Variants in NLRP12 observed in about 807,000 individuals in gnomAD.
The protein encoded by NLRP12 is NACHT, LRR and PYD domains-containing protein 12.
Under a neutral mutation model 91.2 loss-of-function variants are expected in NLRP12, and 108 were observed. The ratio of observed to expected loss-of-function variants is 1.18; its 90% CI spans 1.01 to 1.39. NLRP12 has a LOEUF of 1.39. Among genes scored for constraint, NLRP12 ranks in the 40% most tolerant of loss-of-function variants. The pLI is 0.00. For synonymous variants in NLRP12, 613 were observed against 566.7 expected (o/e 1.08, Z -1.16); for missense variants, 1,530 against 1,352.7 (o/e 1.13, Z -2.06).
At position 53,824,179 on chromosome 19, in the gene NLRP12, G is replaced by T; in HGVS notation, c.-5C>A. Reference sequence around the variant, plus strand: ...CCTGCCTGCGGTTCGTAGCATGGGGGTGCCGTGAGCCCCAAAGGAGAGGAC... The same window carrying T: ...CCTGCCTGCGGTTCGTAGCATGGGGTTGCCGTGAGCCCCAAAGGAGAGGAC... On this transcript the variant is annotated 5_prime_UTR_variant, in exon 1 of 10. Coordinates refer to ENST00000324134, the MANE Select transcript of NLRP12 (RefSeq NM_144687.4). The T allele has an allele frequency of 6.2e-7, 1 of 1,613,760 alleles. No individual in the cohort carries two copies. Among genetic ancestry groups the T allele is most frequent in the Non-Finnish European group, 8.5e-7 (1 of 1,179,978 alleles).
chr19:53,808,073 T>G, intron 3 of NLRP12: 1 of 352,360 alleles, frequency 2.8e-6, no homozygotes, highest in Non-Finnish European at 5.6e-6. Flanking sequence ...TTTTCATTTT[T>G]TTTTTTAGAG....
At chr19:53,807,384 TG>T in intron 4 of NLRP12, 110 bp downstream of exon 4, 1 of 1,107,768 alleles carries the variant, frequency 9.0e-7, no homozygotes. Flanking sequence ...CACTTTTTTA[TG>T]GCAGCCGTAG....
intron 1 of NLRP12, among the ~76,000 whole-genome samples, chr19:53,822,224 C>T (rs2092272069): frequency 6.6e-6 from 1 of 152,034 alleles, no homozygotes; most frequent in South Asian, 2.1e-4. Flanking sequence ...CACATGTACC[C>T]CTTGAATCTA....
rs104895570 is a variant in NLRP12, at chr19:53,798,340, G to A, written c.2830C>T (p.Arg944Trp). 2.1e-4 allele frequency: 336 copies of A among 1,614,032 alleles called. 2 individuals are homozygous for A. Among genetic ancestry groups the A allele is most frequent in the Non-Finnish European group, 2.5e-4 (293 of 1,180,034 alleles). ...SVVLQANHNL[R>W]ELDLSFNDLG... is the part of the protein sequence containing the mutation. ...TCGTTGAAACTCAAGTCCAGCTCCCGGAGGTTGTGGTTGGCCTGGAGCACC... is the reference window on the plus strand; with the variant it reads ...TCGTTGAAACTCAAGTCCAGCTCCCAGAGGTTGTGGTTGGCCTGGAGCACC... The change falls in exon 8 of 10, where the codon CGG becomes TGG. Residue 944 changes from arginine to tryptophan, a missense_variant. Coordinates refer to ENST00000324134, the MANE Select transcript of NLRP12 (RefSeq NM_144687.4).
intron 2 of NLRP12, 44 bp from the exon 3 acceptor site, chr19:53,811,332 C>T: frequency 6.2e-7 from 1 of 1,606,074 alleles, no homozygotes; most frequent in Non-Finnish European, 8.5e-7. Flanking sequence ...TCATCAGCAG[C>T]CTCTAATGAG....
chr19:53,796,826 TC>T (rs1452689047), intron 8 of NLRP12, among the ~76,000 whole-genome samples: 1 of 150,972 alleles, frequency 6.6e-6, no homozygotes, highest in African/African-American at 2.4e-5. Context: ...AGAAACCCCG[TC>T]TCTACTAAAA....
At chr19:53,808,291 C>G (rs188583080) in intron 3 of NLRP12, 7 of 172,082 alleles carry the variant, frequency 4.1e-5, no homozygotes, top group African/African-American at 1.2e-4. Flanking sequence ...CTCTATCTGA[C>G]GCTCCTAATC....
chr19:53,819,425 A>T (rs1207874327), intron 1 of NLRP12, among the ~76,000 whole-genome samples: 3 of 17,718 alleles, frequency 1.7e-4, no homozygotes, highest in Non-Finnish European at 3.5e-4. Context: ...ATATATATAT[A>T]TATATATATA....
Position 53,808,150 on chromosome 19 carries a change from C to A in NLRP12, c.2073-485G>T, listed in dbSNP as rs796888805. ...ATGGCTCACTGTAGGCTTGACCTCCCAGGCTTAAGCAATCCTCCCACCTCA... is the reference window on the plus strand; with the variant it reads ...ATGGCTCACTGTAGGCTTGACCTCCAAGGCTTAAGCAATCCTCCCACCTCA... On this transcript the variant is annotated intron_variant, in intron 3 of 9. Transcript: ENST00000324134. 3 of 277,782 alleles carry A rather than the reference C, an allele frequency of 1.1e-5. No individual in the cohort carries two copies. In the Admixed American group the frequency reaches 1.4e-4, roughly 13 times the overall value. 17.2% of individuals were successfully genotyped at this position (277,782 alleles called of 1,614,324 possible).
chr19:53,798,117 C>A, intron 8 of NLRP12, 126 bp downstream of exon 8: 1 of 1,086,086 alleles, frequency 9.2e-7, no homozygotes, highest in Non-Finnish European at 1.4e-6. Flanking sequence ...CTTTCCACCT[C>A]TCTTCTTGCT....
intron 4 of NLRP12, among the ~76,000 whole-genome samples, chr19:53,806,376 A>G (rs2091957846): frequency 2.0e-5 from 3 of 151,770 alleles, no homozygotes; most frequent in Non-Finnish European, 4.4e-5. Flanking sequence ...CCATCTCTCC[A>G]AAACATACAA....
At chr19:53,801,451 T>TC (rs2091872105) in intron 6 of NLRP12, 54 bp from the exon 7 acceptor site, 13 of 956,194 alleles carry the variant, frequency 1.4e-5, no homozygotes, top group Admixed American at 3.0e-5. Context: ...TCTTTTTCTT[T>TC]TTTTTTTTTT....
chr19:53,810,296 G>T lies in NLRP12; in HGVS notation c.1363C>A (p.Pro455Thr). ...GAGCACAACCCTCTCTGGTTGGGTG[G>T]GGGCTGGAGGCGCGGGGCCCCCGGC... ...PKPGAPRLQP[P>T]PNQRGLCSLA... Residue 455 changes from proline (P) to threonine (T), a missense_variant, in exon 3 of 10, where the codon CCA (proline) becomes ACA (threonine). Coordinates refer to ENST00000324134, the MANE Select transcript of NLRP12 (RefSeq NM_144687.4). 1 of 1,613,948 alleles carries T rather than the reference G, an allele frequency of 6.2e-7. No homozygotes were observed. Among genetic ancestry groups the T allele is most frequent in the Non-Finnish European group, 8.5e-7 (1 of 1,180,012 alleles).
chr19:53,823,386 CAT>C (rs1174905712), intron 1 of NLRP12, among the ~76,000 whole-genome samples: 1 of 71,044 alleles, frequency 1.4e-5, no homozygotes, highest in Non-Finnish European at 2.9e-5. Flanking sequence ...TAATTATATA[CAT>C]ATTTTAAATA....
chr19:53,803,100 G>A (rs1274365169), intron 6 of NLRP12, among the ~76,000 whole-genome samples: 3 of 152,038 alleles, frequency 2.0e-5, no homozygotes, highest in Admixed American at 1.3e-4. Context: ...TGCAGAACCC[G>A]TGGACACAGA....
At position 53,801,400 on chromosome 19, in the gene NLRP12, G is replaced by T; in HGVS notation, c.2586-3C>A. The T allele has an allele frequency of 1.9e-6, 3 of 1,611,278 alleles. No homozygotes were observed. Among genetic ancestry groups the T allele is most frequent in the Non-Finnish European group, 2.5e-6 (3 of 1,179,164 alleles). ...CAGTGAGGCGGCAGATCTTCAGCCT[G>T]CACAAAGTCCAATTCAACAAGCATT... On this transcript the variant is annotated splice_polypyrimidine_tract_variant and splice_region_variant and intron_variant, in intron 6 of 9. Transcript: ENST00000324134.
chr19:53,823,313 TATA>T (rs1296890036), intron 1 of NLRP12, among the ~76,000 whole-genome samples: 7 of 137,034 alleles, frequency 5.1e-5, no homozygotes, highest in Non-Finnish European at 9.2e-5. Context: ...AGTATATTTA[TATA>T]ATAAATATAT....
chr19:53,822,018 T>C (rs911684154), intron 1 of NLRP12, among the ~76,000 whole-genome samples: 3 of 152,142 alleles, frequency 2.0e-5, no homozygotes, highest in Admixed American at 2.0e-4. Context: ...AACCAAAGAC[T>C]GCATGTTCTC....
chr19:53,805,063 A>T (rs2091935905), intron 5 of NLRP12, among the ~76,000 whole-genome samples: 1 of 152,098 alleles, frequency 6.6e-6, no homozygotes, highest in South Asian at 2.1e-4. Context: ...GGATGGCCCC[A>T]GGGACTCTTC....
Sources: allele counts gnomAD v4.1 joint callset (sites outside exome capture counted in the v4.1 genomes callset), GRCh38; gene constraint gnomAD v4.1.1; transcripts MANE v1.5; gene names NCBI Gene and HGNC (gene_info 2026-07-23, HGNC 2026-07-21).